PDGFD: variants seen among roughly 807,000 people sequenced by gnomAD.
PDGFD encodes the protein platelet derived growth factor D, also known as platelet-derived growth factor D.
Under a neutral mutation model 44.7 loss-of-function variants are expected in PDGFD, and 30 were observed. The observed-to-expected ratio is 0.67, with a 90% CI of 0.50 to 0.91. The LOEUF is 0.91. PDGFD is among the 40% of genes least tolerant of loss of function. PDGFD has a pLI of 0.00. For synonymous variants in PDGFD, 173 were observed against 168.4 expected, an observed-to-expected ratio of 1.03 and a Z score of -0.21; for missense variants, 445 against 457.8, an observed-to-expected ratio of 0.97 and a Z score of 0.25.
chr11:103,982,884 G>T (rs185232380), intron 3 of PDGFD, among the ~76,000 whole-genome samples: 1 of 151,606 alleles, frequency 6.6e-6, no homozygotes. Context: ...TCCCTACAAG[G>T]AGAACTACAA....
intron 1 of PDGFD, among the ~76,000 whole-genome samples, chr11:104,012,913 T>G (rs543825765): frequency 1.4e-4 from 21 of 152,110 alleles, no homozygotes; most frequent in Non-Finnish European, 2.2e-4. Context: ...GAAGAGCACG[T>G]TTCCCCTGCA....
At chr11:103,942,416 T>G (rs957604670) in intron 5 of PDGFD, among the ~76,000 whole-genome samples, 1 of 152,118 alleles carries the variant, frequency 6.6e-6, no homozygotes, top group African/African-American at 2.4e-5. Flanking sequence ...TAAGATCATA[T>G]CACTCAGATG....
intron 6 of PDGFD, among the ~76,000 whole-genome samples, chr11:103,922,187 CA>C (rs1252572033): frequency 6.6e-6 from 1 of 152,138 alleles, no homozygotes; most frequent in African/African-American, 2.4e-5. Flanking sequence ...TTTAATAGGT[CA>C]CTATACTTTT....
intron 3 of PDGFD, among the ~76,000 whole-genome samples, chr11:103,968,164 A>C (rs961172132): frequency 4.6e-5 from 7 of 151,744 alleles, no homozygotes; most frequent in Non-Finnish European, 8.8e-5. Context: ...TTATCTCTCT[A>C]TGTCTTCTCT....
At chr11:103,949,874 T>C (rs1441609585) in intron 3 of PDGFD, among the ~76,000 whole-genome samples, 2 of 152,036 alleles carry the variant, frequency 1.3e-5, no homozygotes, top group Non-Finnish European at 2.9e-5. Flanking sequence ...GGAAGATAAA[T>C]AGTTGCTTCT....
chr11:104,160,554 T>A (rs1328187338), intron 1 of PDGFD, among the ~76,000 whole-genome samples: 1 of 152,210 alleles, frequency 6.6e-6, no homozygotes, highest in African/African-American at 2.4e-5. Context: ...ATTAAGATTT[T>A]CTTTGTGACT....
intron 1 of PDGFD, among the ~76,000 whole-genome samples, chr11:104,100,188 C>G (rs1861353516): frequency 6.6e-6 from 1 of 152,050 alleles, no homozygotes; most frequent in African/African-American, 2.4e-5. Flanking sequence ...GTCATTGAAC[C>G]TTTGCCAGAG....
intron 1 of PDGFD, among the ~76,000 whole-genome samples, chr11:104,000,568 CCTT>C (rs754374044): frequency 6.2e-4 from 57 of 91,378 alleles, no homozygotes; most frequent in Non-Finnish European, 1.2e-3. Context: ...CGATGGGTAA[CCTT>C]CTGCCTTCTA....
At chr11:104,085,203 CT>C (rs1224038841) in intron 1 of PDGFD, among the ~76,000 whole-genome samples, 1 of 152,042 alleles carries the variant, frequency 6.6e-6, no homozygotes, top group East Asian at 1.9e-4. Flanking sequence ...AAGAAACCCC[CT>C]TGTGTTATAT....
chr11:103,938,154 G>T lies in PDGFD; in HGVS notation c.772+5298C>A, dbSNP rs554248754. Among the ~76,000 whole-genome samples, 442 of 151,948 alleles carry T rather than the reference G, an allele frequency of 2.9e-3. 5 individuals carry two copies. Among genetic ancestry groups the T allele is most frequent in the African/African-American group, 0.011 (439 of 41,480 alleles). On this transcript the variant is annotated intron_variant, in intron 5 of 6. Coordinates refer to ENST00000393158, the MANE Select transcript of PDGFD (RefSeq NM_025208.5). ...ACTGACTTCCACAATGGTTGAACTA[G>T]TTCACAGTCCCACCAACAGTGTAAA...
intron 1 of PDGFD, among the ~76,000 whole-genome samples, chr11:104,094,456 A>C (rs1861254253): frequency 6.6e-6 from 1 of 151,976 alleles, no homozygotes; most frequent in Non-Finnish European, 1.5e-5. Flanking sequence ...TATATCCAAA[A>C]ACCTACTTGA....
chr11:103,913,147 G>A (rs531465740), intron 6 of PDGFD, among the ~76,000 whole-genome samples: 3 of 150,124 alleles, frequency 2.0e-5, no homozygotes, highest in Admixed American at 6.6e-5. Context: ...TGGACCAAGC[G>A]GACCTAATAG....
chr11:104,151,731 T>C (rs117048915), intron 1 of PDGFD, among the ~76,000 whole-genome samples: 2,364 of 152,292 alleles, frequency 0.016, 28 homozygotes, highest in Non-Finnish European at 0.024. Flanking sequence ...GTAAGACTTC[T>C]GGTCCTAAAA....
chr11:103,918,710 A>G (rs973628557), intron 6 of PDGFD, among the ~76,000 whole-genome samples: 3 of 152,312 alleles, frequency 2.0e-5, no homozygotes, highest in Non-Finnish European at 2.9e-5. Flanking sequence ...ACAGGAGAGC[A>G]CTATTTGAAC....
rs1466020014 is a variant in PDGFD, at chr11:104,046,966, C to T, written c.125-46711G>A. Among the ~76,000 whole-genome samples, 17 of 146,510 alleles carry T rather than the reference C, an allele frequency of 1.2e-4. 2 individuals carry two copies. Among genetic ancestry groups the T allele is most frequent in the Non-Finnish European group, 2.6e-4 (17 of 65,796 alleles). ...CTACATGTTCTCATTGTTCATCTCCCACTTATGAGTGAGAACATGAGGTGC... is the reference window on the plus strand; with the variant it reads ...CTACATGTTCTCATTGTTCATCTCCTACTTATGAGTGAGAACATGAGGTGC... On this transcript the variant is annotated intron_variant, in intron 1 of 6. Coordinates refer to ENST00000393158, the MANE Select transcript of PDGFD (RefSeq NM_025208.5).
At chr11:104,122,853 A>G (rs1018408688) in intron 1 of PDGFD, among the ~76,000 whole-genome samples, 7 of 152,044 alleles carry the variant, frequency 4.6e-5, no homozygotes, top group African/African-American at 1.7e-4. Context: ...TCTATGTATA[A>G]AGGGAATAGG....
chr11:104,148,052 T>C (rs916127356), intron 1 of PDGFD, among the ~76,000 whole-genome samples: 12 of 152,202 alleles, frequency 7.9e-5, no homozygotes, highest in Non-Finnish European at 1.5e-5. Flanking sequence ...TTAGAAACTT[T>C]TCAAACATCA....
chr11:103,927,029 C>T lies in PDGFD; in HGVS notation c.870G>A (p.Val290=). ...NIREELKLAN[V]VFFPRCLLVQ... is the part of the protein sequence containing the mutation. Reference sequence around the variant, plus strand: ...CGAGGAGGCAACGTGGAAAGAAGACCACATTGGCCAACTTCAGCTCTTCTC... The same window carrying T: ...CGAGGAGGCAACGTGGAAAGAAGACTACATTGGCCAACTTCAGCTCTTCTC... The change falls in exon 6 of 7, where the codon GTG becomes GTA. Residue 290 remains valine (V), a synonymous_variant. Transcript: ENST00000393158. 6.2e-7 allele frequency: 1 copy of T among 1,614,178 alleles called. No individual in the cohort carries two copies. The highest frequency in any genetic ancestry group is 1.7e-5 in the Admixed American group (1 of 60,018).
In PDGFD at chr11:104,105,112, T is replaced by A. The variant is rs1299466899; in HGVS notation, c.124+58692A>T. Among the ~76,000 whole-genome samples, 7 of 152,296 alleles carry A rather than the reference T, an allele frequency of 4.6e-5. No homozygotes were observed. In the East Asian group the frequency reaches 9.7e-4, roughly 21 times the overall value. Reference sequence around the variant, plus strand: ...AACCCCATTAATGGGGGATCCGTGATTATCATTTCACAGAATGAGGAGACA... The same window carrying A: ...AACCCCATTAATGGGGGATCCGTGAATATCATTTCACAGAATGAGGAGACA... On this transcript the variant is annotated intron_variant, in intron 1 of 6. Transcript: ENST00000393158.
Sources: allele counts gnomAD v4.1 joint callset (sites outside exome capture counted in the v4.1 genomes callset), GRCh38; gene constraint gnomAD v4.1.1; transcripts MANE v1.5; gene names NCBI Gene and HGNC (gene_info 2026-07-23, HGNC 2026-07-21).